SLC35F3: variants seen among roughly 807,000 people sequenced by gnomAD.
SLC35F3 encodes the protein solute carrier family 35 member F3, also known as putative thiamine transporter SLC35F3.
A neutral mutation model predicts 49.9 loss-of-function variants in SLC35F3; 25 were observed. The ratio of observed to expected loss-of-function variants is 0.50; its 90% CI spans 0.37 to 0.70. The LOEUF (loss-of-function observed/expected upper bound fraction) is 0.70, where lower values mean the gene tolerates loss of function less well. SLC35F3 is among the 30% of genes least tolerant of loss of function. The probability of loss-of-function intolerance (pLI) is 0.00; values close to 1 mark genes in which losing one functional copy is unlikely to be tolerated. For missense variants in SLC35F3, 525 were observed against 639.8 expected (o/e 0.82, Z 1.94); for synonymous variants, 275 against 265.4 (o/e 1.04, Z -0.35).
intron 2 of SLC35F3, among the ~76,000 whole-genome samples, chr1:234,061,228 A>G (rs1288184047): frequency 1.3e-5 from 2 of 152,068 alleles, no homozygotes; most frequent in Admixed American, 1.3e-4. Flanking sequence ...TTTTTTAATG[A>G]TACCTTAACT....
intron 4 of SLC35F3, among the ~76,000 whole-genome samples, chr1:234,311,522 G>A (rs1342804043): frequency 6.6e-6 from 1 of 152,246 alleles, no homozygotes; most frequent in East Asian, 1.9e-4. Context: ...TGTGGAATTG[G>A]CTGCTAAGGA....
At chr1:234,304,870 T>C (rs998547915) in intron 3 of SLC35F3, among the ~76,000 whole-genome samples, 1 of 151,136 alleles carries the variant, frequency 6.6e-6, no homozygotes. Flanking sequence ...TAAAATAAGA[T>C]AGAGAAAGCA....
chr1:234,250,032 A>G (rs565251185), intron 3 of SLC35F3, among the ~76,000 whole-genome samples: 17 of 152,358 alleles, frequency 1.1e-4, no homozygotes, highest in Admixed American at 9.8e-4. Flanking sequence ...CTAGGAAAAA[A>G]GCTAGAAATA....
At chr1:233,998,086 G>A (rs10797514) in intron 2 of SLC35F3, among the ~76,000 whole-genome samples, 18,349 of 152,010 alleles carry the variant, frequency 0.12, 1,720 homozygotes, top group East Asian at 0.41. Flanking sequence ...AATTAAAAAC[G>A]AAAGCATTAT....
At chr1:234,282,032 T>A (rs141836390) in intron 3 of SLC35F3, among the ~76,000 whole-genome samples, 189 of 152,130 alleles carry the variant, frequency 1.2e-3, no homozygotes, top group African/African-American at 4.2e-3. Context: ...TGAAGTGGGA[T>A]CCTGTCTCAC....
At position 234,234,806 on chromosome 1, in the gene SLC35F3, G is replaced by C. The variant is rs528863735; in HGVS notation, c.608+3065G>C. On this transcript the variant is annotated intron_variant, in intron 3 of 7. Transcript: ENST00000366618. ...TCAGATGCCCATTTGTAAATGGGAG[G>C]TGATGATATATGCACTGTCTTGTAC... Among the ~76,000 whole-genome samples, 3 of 152,292 alleles carry C rather than the reference G, an allele frequency of 2.0e-5. No homozygotes were observed. The South Asian group carries it at 6.2e-4, about 32-fold the overall frequency.
At position 234,315,863 on chromosome 1, in the gene SLC35F3, C is replaced by T. The variant is rs192415297; in HGVS notation, c.829-739C>T. Among the ~76,000 whole-genome samples the T allele has an allele frequency of 3.9e-4, 59 of 152,268 alleles. No homozygotes were observed. The East Asian group carries it at 5.0e-3, about 13-fold the overall frequency. ...CATTTTCTCCTTTGAGGAATATTGT[C>T]CCAGATGGTTTATCTCCTATTTACT... On this transcript the variant is annotated intron_variant, in intron 4 of 7. Transcript: ENST00000366618.
chr1:234,168,442 A>C (rs1666350299), intron 2 of SLC35F3, among the ~76,000 whole-genome samples: 1 of 152,156 alleles, frequency 6.6e-6, no homozygotes, highest in Non-Finnish European at 1.5e-5. Flanking sequence ...GTAATTAATA[A>C]AGTGGAGGTG....
intron 2 of SLC35F3, among the ~76,000 whole-genome samples, chr1:234,153,795 C>T (rs188400055): frequency 6.6e-5 from 10 of 151,502 alleles, no homozygotes; most frequent in African/African-American, 1.2e-4. Context: ...GGGTGGGGGC[C>T]GGACGCAGTG....
rs577236629 is a variant in SLC35F3, at chr1:234,219,664, G to A, written c.284-11753G>A. Among the ~76,000 whole-genome samples, 19 of 152,268 alleles carry A rather than the reference G, an allele frequency of 1.2e-4. 1 individual carries two copies. In the East Asian group the frequency reaches 1.9e-3, roughly 15 times the overall value. Reference sequence around the variant, plus strand: ...TGGCTGGGACGCAGATGGCCCCTGCGCAGCACTCTTGCTTGCCGTCATTAC... The same window carrying A: ...TGGCTGGGACGCAGATGGCCCCTGCACAGCACTCTTGCTTGCCGTCATTAC... On this transcript the variant is annotated intron_variant, in intron 2 of 7. Transcript: ENST00000366618.
intron 2 of SLC35F3, among the ~76,000 whole-genome samples, chr1:234,144,867 G>A (rs1319465259): frequency 6.6e-6 from 1 of 152,212 alleles, no homozygotes; most frequent in Admixed American, 6.5e-5. Context: ...ACAGAGAACA[G>A]AGATGGTCAG....
intron 2 of SLC35F3, among the ~76,000 whole-genome samples, chr1:233,912,371 G>A (rs184586912): frequency 2.6e-5 from 4 of 152,166 alleles, no homozygotes; most frequent in African/African-American, 7.2e-5. Flanking sequence ...CCAGCTTCTC[G>A]GGAGGCTGAG....
At chr1:234,023,399 G>A (rs564035026) in intron 2 of SLC35F3, among the ~76,000 whole-genome samples, 2 of 152,320 alleles carry the variant, frequency 1.3e-5, no homozygotes, top group African/African-American at 4.8e-5. Context: ...CCCAGTGGCC[G>A]AAGCTGGAAC....
chr1:234,305,378 T>A (rs1038573661), intron 3 of SLC35F3, among the ~76,000 whole-genome samples: 1 of 127,594 alleles, frequency 7.8e-6, no homozygotes, highest in Non-Finnish European at 1.6e-5. Context: ...TCAGTAGCAG[T>A]ATTGCTTTTT....
At chr1:233,916,920 C>G (rs1661981379) in intron 2 of SLC35F3, among the ~76,000 whole-genome samples, 1 of 151,740 alleles carries the variant, frequency 6.6e-6, no homozygotes, top group Non-Finnish European at 1.5e-5. Context: ...AAGGAACCAA[C>G]TGTTGAATGT....
Position 234,235,979 on chromosome 1 carries a change from C to CGTCT in SLC35F3, c.608+4239_608+4242dup, listed in dbSNP as rs753773331. On this transcript the variant is annotated intron_variant, in intron 3 of 7. Coordinates refer to ENST00000366618, the MANE Select transcript of SLC35F3 (RefSeq NM_173508.4). The stretch of plus-strand genomic sequence containing the variant: ...CTTTGTTCTGAAAATAGTTACTGTG[C>CGTCT]GTCTTCTCTAGGCAATGCACTAGAA... Among the ~76,000 whole-genome samples the CGTCT allele has an allele frequency of 5.3e-4, 80 of 152,142 alleles. No homozygotes were observed. In the East Asian group the frequency reaches 5.8e-3, roughly 11 times the overall value.
chr1:233,987,820 A>G (rs902830302), intron 2 of SLC35F3, among the ~76,000 whole-genome samples: 11 of 152,156 alleles, frequency 7.2e-5, no homozygotes, highest in African/African-American at 1.2e-4. Context: ...CCAAATGTCT[A>G]CCTTTTACAG....
chr1:234,012,285 C>T (rs1663734580), intron 2 of SLC35F3, among the ~76,000 whole-genome samples: 3 of 152,238 alleles, frequency 2.0e-5, no homozygotes, highest in Admixed American at 6.5e-5. Flanking sequence ...GGGTTTTATA[C>T]TGAGACATTT....
intron 3 of SLC35F3, among the ~76,000 whole-genome samples, chr1:234,292,963 T>C (rs1668532773): frequency 6.6e-6 from 1 of 152,214 alleles, no homozygotes; most frequent in Non-Finnish European, 1.5e-5. Flanking sequence ...TGGCCCTTCA[T>C]TTCACAAATG....
Sources: gnomAD v4.1 joint callset for allele counts (sites outside exome capture counted in the v4.1 genomes callset) on GRCh38, gnomAD v4.1.1 for gene constraint, MANE v1.5 for transcripts, NCBI Gene and HGNC (gene_info 2026-07-23, HGNC 2026-07-21) for gene names.